STPG4: variants seen among roughly 807,000 people sequenced by gnomAD.
The protein encoded by STPG4 is sperm-tail PG-rich repeat containing 4.
STPG4 carries 41 observed loss-of-function variants against 31.5 expected under a neutral mutation model. That is an observed-to-expected ratio of 1.30 (90% CI 1.01 to 1.69). The LOEUF (loss-of-function observed/expected upper bound fraction) is 1.69. Ranked by LOEUF, STPG4 falls within the 40% of genes most tolerant of loss-of-function variation. STPG4 has a pLI of 0.00. For synonymous variants in STPG4, 141 were observed against 103.0 expected, an observed-to-expected ratio of 1.37 and a Z score of -2.24; for missense variants, 375 against 293.4, an observed-to-expected ratio of 1.28 and a Z score of -2.03.
chr2:47,155,038 A>G, intron 1 of STPG4, 133 bp downstream of exon 1: 1 of 742,296 alleles, frequency 1.3e-6, no homozygotes, highest in East Asian at 2.7e-5. Context: ...GACGTGCGTG[A>G]GGGCAGGGAG....
chr2:47,113,426 T>C (rs1686080481), intron 5 of STPG4, among the ~76,000 whole-genome samples: 2 of 151,982 alleles, frequency 1.3e-5, no homozygotes, highest in Non-Finnish European at 2.9e-5. Context: ...AACCAGAAAG[T>C]GTACAGGAAG....
chr2:47,150,649 A>ATT (rs58432759), intron 3 of STPG4, among the ~76,000 whole-genome samples: 2 of 144,200 alleles, frequency 1.4e-5, no homozygotes, highest in Non-Finnish European at 3.0e-5. Context: ...CCAAGTAGCT[A>ATT]TTTTTTTTTT....
intron 3 of STPG4, among the ~76,000 whole-genome samples, chr2:47,142,244 G>A (rs376177924): frequency 7.3e-6 from 1 of 137,064 alleles, no homozygotes; most frequent in Non-Finnish European, 1.6e-5. Context: ...TTAATGGGGC[G>A]CCTTTCTAGC....
intron 5 of STPG4, among the ~76,000 whole-genome samples, chr2:47,096,187 T>C (rs976376309): frequency 1.3e-5 from 2 of 152,184 alleles, no homozygotes; most frequent in African/African-American, 4.8e-5. Context: ...AAGGAAGGCA[T>C]ACCTTACCAA....
intron 5 of STPG4, among the ~76,000 whole-genome samples, chr2:47,123,145 C>A (rs925420132): frequency 5.3e-5 from 8 of 152,096 alleles, no homozygotes; most frequent in Non-Finnish European, 1.0e-4. Context: ...TTTTCTTATT[C>A]TTTCAGATGA....
At chr2:47,123,291 A>G (rs1240037400) in intron 5 of STPG4, among the ~76,000 whole-genome samples, 1 of 152,218 alleles carries the variant, frequency 6.6e-6, no homozygotes, top group Admixed American at 6.6e-5. Context: ...CTTTAAAAGG[A>G]AAGAAACAGA....
intron 3 of STPG4, among the ~76,000 whole-genome samples, chr2:47,135,632 C>G (rs1035104334): frequency 2.0e-5 from 3 of 152,212 alleles, no homozygotes; most frequent in Admixed American, 2.0e-4. Flanking sequence ...AGTGATCCAT[C>G]TGCCTCGGCC....
Position 47,119,062 on chromosome 2 carries a change from T to G in STPG4, c.519+10879A>C, listed in dbSNP as rs186869787. Among the ~76,000 whole-genome samples, 25 of 152,360 alleles carry G rather than the reference T, an allele frequency of 1.6e-4. No individual in the cohort carries two copies. The East Asian group carries it at 1.9e-3, about 12-fold the overall frequency. On this transcript the variant is annotated intron_variant, in intron 5 of 6. Coordinates refer to ENST00000445927, the MANE Select transcript of STPG4 (RefSeq NM_001163561.2). ...TTTATCACACGAAGGTTTGAGACAT[T>G]GTTCTCTCAGCAAACATTGCTTCTT...
intron 3 of STPG4, among the ~76,000 whole-genome samples, chr2:47,144,011 T>A (rs1686767722): frequency 6.6e-6 from 1 of 152,196 alleles, no homozygotes; most frequent in Non-Finnish European, 1.5e-5. Context: ...CACCATCTTC[T>A]CCCTGTCCCA....
At chr2:47,090,407 A>G (rs765647020) in intron 5 of STPG4, 33 bp from the exon 6 acceptor site, 1 of 1,336,416 alleles carries the variant, frequency 7.5e-7, no homozygotes, top group South Asian at 1.3e-5. Flanking sequence ...CTTCATTATT[A>G]TTGTACATTT....
intron 5 of STPG4, among the ~76,000 whole-genome samples, chr2:47,128,562 G>T (rs1200199538): frequency 6.6e-6 from 1 of 152,008 alleles, no homozygotes. Context: ...CAAGCAGAAA[G>T]AATCTCTCTA....
rs867849619 is a variant in STPG4, at chr2:47,090,129, G to T, written c.624+141C>A. On this transcript the variant is annotated intron_variant, in intron 6 of 6. Transcript: ENST00000445927. ...CTCCTGATTGCCTTGACAGGCAACTGTATCTACCAGAACTGTACACACATG... is the reference window on the plus strand; with the variant it reads ...CTCCTGATTGCCTTGACAGGCAACTTTATCTACCAGAACTGTACACACATG... 2.4e-4 allele frequency: 138 copies of T among 566,632 alleles called. 1 individual carries two copies. Among genetic ancestry groups the T allele is most frequent in the Non-Finnish European group, 5.0e-5 (16 of 319,168 alleles). The allele number at this position is 566,632 out of a possible 1,614,324, so 35.1% of individuals were successfully genotyped here.
intron 5 of STPG4, among the ~76,000 whole-genome samples, chr2:47,107,383 C>T (rs1284324065): frequency 4.6e-5 from 7 of 152,148 alleles, no homozygotes; most frequent in South Asian, 2.1e-4. Flanking sequence ...AGCAGCTGGC[C>T]GGCCCTGCCG....
At chr2:47,090,105 T>A (rs1255754184) in intron 6 of STPG4, among the ~76,000 whole-genome samples, 165 bp downstream of exon 6, 2 of 152,180 alleles carry the variant, frequency 1.3e-5, no homozygotes, top group Non-Finnish European at 2.9e-5. Context: ...AGGATTTCAC[T>A]CCTGATTGCC....
intron 5 of STPG4, among the ~76,000 whole-genome samples, chr2:47,102,847 G>A (rs1399811187): frequency 6.6e-6 from 1 of 151,768 alleles, no homozygotes; most frequent in East Asian, 1.9e-4. Context: ...GGCAGACCTG[G>A]GGAGGTTTTC....
intron 5 of STPG4, among the ~76,000 whole-genome samples, chr2:47,124,787 G>C (rs1448050521): frequency 6.6e-6 from 1 of 152,140 alleles, no homozygotes; most frequent in Admixed American, 6.5e-5. Flanking sequence ...TATATACCCA[G>C]CAGTGAGATT....
At chr2:47,089,922 G>C (rs549806133) in intron 6 of STPG4, among the ~76,000 whole-genome samples, 57 of 152,318 alleles carry the variant, frequency 3.7e-4, no homozygotes, top group African/African-American at 1.2e-3. Flanking sequence ...ACAGAGAACA[G>C]CCATTCTGGC....
chr2:47,148,443 A>G (rs927148907), intron 3 of STPG4, among the ~76,000 whole-genome samples: 1 of 152,160 alleles, frequency 6.6e-6, no homozygotes, highest in Non-Finnish European at 1.5e-5. Flanking sequence ...TTGAAAAAAA[A>G]ATAGAAAGTC....
At chr2:47,097,287 A>G (rs953993083) in intron 5 of STPG4, among the ~76,000 whole-genome samples, 16 of 152,190 alleles carry the variant, frequency 1.1e-4, no homozygotes, top group Non-Finnish European at 1.2e-4. Flanking sequence ...TGAATTTGCT[A>G]AACTTACTTT....
Sources: gnomAD v4.1 joint callset for allele counts (sites outside exome capture counted in the v4.1 genomes callset) on GRCh38, gnomAD v4.1.1 for gene constraint, MANE v1.5 for transcripts, NCBI Gene and HGNC (gene_info 2026-07-23, HGNC 2026-07-21) for gene names.